Variants in TENM4 observed in about 807,000 individuals in gnomAD.
The protein encoded by TENM4 is teneurin-4.
Under a neutral mutation model 243.3 loss-of-function variants are expected in TENM4, and 82 were observed. The ratio of observed to expected loss-of-function variants is 0.34; its 90% CI spans 0.28 to 0.40. The LOEUF is 0.40. TENM4 is among the 10% of genes least tolerant of loss of function. The pLI is 1.00. For missense variants in TENM4, 3,138 were observed against 3,673.3 expected, an observed-to-expected ratio of 0.85 and a Z score of 3.77; for synonymous variants, 1,412 against 1,456.3, an observed-to-expected ratio of 0.97 and a Z score of 0.69.
chr11:79,018,179 C>G (rs901187070), intron 6 of TENM4, among the ~76,000 whole-genome samples: 1 of 152,186 alleles, frequency 6.6e-6, no homozygotes, highest in Non-Finnish European at 1.5e-5. Context: ...AACCCTGAGG[C>G]TGGGATGACC....
chr11:78,704,621 C>T (rs1490096472), intron 27 of TENM4, among the ~76,000 whole-genome samples: 3 of 151,942 alleles, frequency 2.0e-5, no homozygotes, highest in Non-Finnish European at 2.9e-5. Context: ...AGTGGGATAC[C>T]AATTGGGGAA....
At chr11:78,852,138 C>T (rs1259851232) in intron 12 of TENM4, among the ~76,000 whole-genome samples, 3 of 152,202 alleles carry the variant, frequency 2.0e-5, no homozygotes, top group East Asian at 1.9e-4. Flanking sequence ...TCTAGGCATT[C>T]GGAGTCCAGC....
At chr11:78,998,421 T>C (rs1453032956) in intron 6 of TENM4, among the ~76,000 whole-genome samples, 1 of 152,344 alleles carries the variant, frequency 6.6e-6, no homozygotes, top group East Asian at 1.9e-4. Flanking sequence ...GATTTTGGCC[T>C]ATGGCCAAAT....
chr11:79,366,337 A>G (rs1857677052), intron 1 of TENM4, among the ~76,000 whole-genome samples: 1 of 152,238 alleles, frequency 6.6e-6, no homozygotes, highest in Admixed American at 6.5e-5. Flanking sequence ...CCCTTGGAAT[A>G]AACTTTACTA....
At chr11:78,974,823 AT>A (rs1323051752) in intron 6 of TENM4, among the ~76,000 whole-genome samples, 2 of 147,984 alleles carry the variant, frequency 1.4e-5, no homozygotes, top group Admixed American at 1.4e-4. Context: ...AGTAGCTGGG[AT>A]TATAGGCATG....
At chr11:78,955,536 T>C (rs1372820127) in intron 6 of TENM4, among the ~76,000 whole-genome samples, 1 of 152,130 alleles carries the variant, frequency 6.6e-6, no homozygotes, top group Non-Finnish European at 1.5e-5. Flanking sequence ...CGGGGAGTGG[T>C]GTAGGAATTC....
chr11:78,964,180 C>T (rs111635738), intron 6 of TENM4, among the ~76,000 whole-genome samples: 3,324 of 151,350 alleles, frequency 0.022, 121 homozygotes, highest in African/African-American at 0.076. Context: ...GTAGCTGGGA[C>T]TATAGGTGTG....
chr11:78,722,532 G>T, intron 24 of TENM4, 136 bp downstream of exon 24: 1 of 1,212,186 alleles, frequency 8.2e-7, no homozygotes, highest in Non-Finnish European at 1.1e-6. Context: ...GAGCTGGGAG[G>T]TGAAAAGTCT....
chr11:78,685,842 C>G (rs1403365620), intron 29 of TENM4, among the ~76,000 whole-genome samples: 7 of 152,192 alleles, frequency 4.6e-5, no homozygotes, highest in African/African-American at 1.7e-4. Context: ...GGCAATAATC[C>G]AGTCAGAGCA....
intron 1 of TENM4, among the ~76,000 whole-genome samples, chr11:79,347,409 T>G (rs1011185354): frequency 6.6e-6 from 1 of 152,220 alleles, no homozygotes; most frequent in African/African-American, 2.4e-5. Context: ...GACAAGGCTA[T>G]AAGGCTGGCT....
chr11:78,762,209 G>T (rs1343780984), intron 18 of TENM4, among the ~76,000 whole-genome samples: 1 of 152,186 alleles, frequency 6.6e-6, no homozygotes, highest in Non-Finnish European at 1.5e-5. Context: ...GATCATGGAT[G>T]TGAGGCACTT....
rs185018921 is a variant in TENM4, at chr11:78,875,611, G to A, written c.1085-12479C>T. ...ATATGGGAAGGGTAGAGGCCAATGA[G>A]GAGAGGATGGGCTCTGGGTGTGAGT... On this transcript the variant is annotated intron_variant, in intron 9 of 33. Coordinates refer to ENST00000278550, the MANE Select transcript of TENM4 (RefSeq NM_001098816.3). Among the ~76,000 whole-genome samples the A allele has an allele frequency of 3.9e-3, 598 of 152,326 alleles. 3 individuals carry two copies. The highest frequency in any genetic ancestry group is 7.1e-3 in the Non-Finnish European group (482 of 68,028).
At chr11:78,926,828 T>G (rs1477230196) in intron 6 of TENM4, among the ~76,000 whole-genome samples, 1 of 152,142 alleles carries the variant, frequency 6.6e-6, no homozygotes, top group Non-Finnish European at 1.5e-5. Flanking sequence ...TGAACACCAG[T>G]GATTAGGAGA....
chr11:79,411,244 T>C (rs943579651), intron 1 of TENM4, among the ~76,000 whole-genome samples: 2 of 152,186 alleles, frequency 1.3e-5, no homozygotes, highest in Non-Finnish European at 2.9e-5. Flanking sequence ...GAGGCCACAG[T>C]GGCTGTGACT....
intron 1 of TENM4, among the ~76,000 whole-genome samples, chr11:79,433,413 G>A (rs1267631432): frequency 6.6e-6 from 1 of 152,154 alleles, no homozygotes; most frequent in African/African-American, 2.4e-5. Context: ...ATTTTATAGT[G>A]AGGAAAACTG....
chr11:78,665,586 T>C (rs544289270), intron 32 of TENM4, among the ~76,000 whole-genome samples: 11 of 152,212 alleles, frequency 7.2e-5, no homozygotes, highest in Non-Finnish European at 1.6e-4. Flanking sequence ...ATCTCTTTCA[T>C]GTGTGTGGTT....
chr11:78,988,344 T>A (rs1332050679), intron 6 of TENM4, among the ~76,000 whole-genome samples: 2 of 152,216 alleles, frequency 1.3e-5, no homozygotes, highest in Non-Finnish European at 2.9e-5. Context: ...TAACCCTGGC[T>A]GACACAAAAA....
At chr11:79,013,699 C>T (rs941602790) in intron 6 of TENM4, among the ~76,000 whole-genome samples, 4 of 152,232 alleles carry the variant, frequency 2.6e-5, no homozygotes, top group African/African-American at 9.6e-5. Context: ...CAGGAGAAAG[C>T]AGCAGCTCCT....
At chr11:78,704,028 T>C (rs1010551781) in intron 27 of TENM4, among the ~76,000 whole-genome samples, 2 of 129,574 alleles carry the variant, frequency 1.5e-5, no homozygotes, top group Non-Finnish European at 3.2e-5. Context: ...CACACACATA[T>C]ATATATACAC....
Sources: gnomAD v4.1 joint callset for allele counts (sites outside exome capture counted in the v4.1 genomes callset) on GRCh38, gnomAD v4.1.1 for gene constraint, MANE v1.5 for transcripts, NCBI Gene and HGNC (gene_info 2026-07-23, HGNC 2026-07-21) for gene names.